Variants in IFIH1 observed in about 807,000 individuals in gnomAD.
IFIH1 encodes the protein interferon-induced helicase C domain-containing protein 1.
IFIH1 carries 125 observed loss-of-function variants against 107.4 expected under a neutral mutation model. The observed-to-expected ratio is 1.16, with a 90% CI of 1.01 to 1.35. The LOEUF (loss-of-function observed/expected upper bound fraction) is 1.35, where lower values mean the gene tolerates loss of function less well. IFIH1 is among the 40% of genes most tolerant of loss of function. The pLI, the probability that IFIH1 is intolerant of heterozygous loss-of-function variation, is 0.00. For synonymous variants in IFIH1, 458 were observed against 413.2 expected (o/e 1.11, Z -1.31); for missense variants, 1,333 against 1,213.7 (o/e 1.10, Z -1.46).
Position 162,282,493 on chromosome 2 carries a change from A to G in IFIH1, c.1179T>C (p.Asp393=). Residue 393 remains aspartate (D), a synonymous_variant, in exon 6 of 16, where the codon GAT becomes GAC. Transcript: ENST00000649979. ...KWYRVIGLSG[D]TQLKISFPEV... ...CTGGAAATGATATTTTCAGTTGGGT[A>G]TCACCACTTAATCCAATAACACGAT... 6.2e-7 allele frequency: 1 copy of G among 1,611,796 alleles called. No individual in the cohort carries two copies. The highest frequency in any genetic ancestry group is 2.2e-5 in the East Asian group (1 of 44,796).
chr2:162,284,412 G>A (rs1255147249), intron 5 of IFIH1, among the ~76,000 whole-genome samples: 1 of 151,952 alleles, frequency 6.6e-6, no homozygotes, highest in Non-Finnish European at 1.5e-5. Context: ...TTAATAAAAT[G>A]AGGATAATGT....
Position 162,268,068 on chromosome 2 carries a change from T to C in IFIH1, c.2807+19A>G. 1 of 1,546,208 alleles carries C rather than the reference T, an allele frequency of 6.5e-7. No individual in the cohort carries two copies. Among genetic ancestry groups the C allele is most frequent in the African/African-American group, 1.4e-5 (1 of 72,292 alleles). On this transcript the variant is annotated intron_variant, in intron 14 of 15. Coordinates refer to ENST00000649979, the MANE Select transcript of IFIH1 (RefSeq NM_022168.4). ...CACCCCTTGTGGAAAAATGTAAAAA[T>C]GGGTCTTTCTGGACTCACTTGAATT...
chr2:162,278,054 A>G, intron 9 of IFIH1, 151 bp downstream of exon 9: 3 of 653,676 alleles, frequency 4.6e-6, no homozygotes, highest in Non-Finnish European at 7.8e-6. Flanking sequence ...AGGAATTAGA[A>G]CATGTTTATT....
Position 162,318,352 on chromosome 2 carries a change from G to A in IFIH1, c.-45C>T. The A allele has an allele frequency of 6.7e-7, 1 of 1,498,744 alleles. No homozygotes were observed. The highest frequency in any genetic ancestry group is 9.2e-7 in the Non-Finnish European group (1 of 1,086,914). 92.8% of individuals were successfully genotyped at this position (1,498,744 alleles called of 1,614,324 possible). A position where few individuals can be genotyped will look rare whatever the true frequency, so the allele number is the denominator to read the frequency against. ...GAGAGGGTTCTCCCAAGCAGATGGT[G>A]CTGTTGTCTGCGGGACAGGTGAAAT... On this transcript the variant is annotated 5_prime_UTR_variant, in exon 1 of 16. Coordinates refer to ENST00000649979, the MANE Select transcript of IFIH1 (RefSeq NM_022168.4).
Position 162,272,268 on chromosome 2 carries a change from T to C in IFIH1, c.2574A>G (p.Ile858Met). Residue 858 changes from isoleucine to methionine, a missense_variant, in exon 13 of 16, where the codon ATA (isoleucine) becomes ATG (methionine). Transcript: ENST00000649979. ...DFREKMMYKA[I>M]HCVQNMKPEE... ...CTGGTTTCATATTTTGAACACAATG[T>C]ATAGCTTTATACATCATCTTCTCTC... is the stretch of plus-strand genomic sequence containing the variant. The C allele has an allele frequency of 6.2e-7, 1 of 1,612,716 alleles. No homozygotes were observed. The highest frequency in any genetic ancestry group is 8.5e-7 in the Non-Finnish European group (1 of 1,179,200).
chr2:162,306,462 G>A (rs2105226486), intron 3 of IFIH1, among the ~76,000 whole-genome samples: 1 of 152,218 alleles, frequency 6.6e-6, no homozygotes, highest in Admixed American at 6.5e-5. Flanking sequence ...AATGACTATG[G>A]ATTTCTTATA....
chr2:162,301,263 G>T (rs1683188905), intron 3 of IFIH1, among the ~76,000 whole-genome samples: 1 of 152,118 alleles, frequency 6.6e-6, no homozygotes, highest in Non-Finnish European at 1.5e-5. Context: ...ATATACACAT[G>T]CAATCACAGT....
At chr2:162,290,571 G>A (rs1187887027) in intron 4 of IFIH1, among the ~76,000 whole-genome samples, 1 of 151,784 alleles carries the variant, frequency 6.6e-6, no homozygotes, top group East Asian at 1.9e-4. Context: ...ATATTGACTG[G>A]ACACCTATTA....
chr2:162,293,578 A>G lies in IFIH1; in HGVS notation c.860T>C (p.Met287Thr). 6.2e-7 allele frequency: 1 copy of G among 1,608,942 alleles called. No homozygotes were observed. Among genetic ancestry groups the G allele is most frequent in the Non-Finnish European group, 8.5e-7 (1 of 1,176,072 alleles). ...TTAGGCAGTACCTGAATCACTTCCC[A>G]TGGTGCCTGAATCACTGCCCATGTT... ...NSNMGSDSGT[M>T]GSDSDEENVA... is the part of the protein sequence containing the mutation. The change falls in exon 4 of 16, where the codon ATG becomes ACG. Residue 287 changes from methionine to threonine, a missense_variant. By Grantham distance (81) the Met-to-Thr change is moderately conservative. Coordinates refer to ENST00000649979, the MANE Select transcript of IFIH1 (RefSeq NM_022168.4).
chr2:162,309,005 A>T (rs142630508), intron 2 of IFIH1, among the ~76,000 whole-genome samples: 49 of 152,304 alleles, frequency 3.2e-4, no homozygotes, highest in African/African-American at 1.0e-3. Flanking sequence ...CAGTTGAGCT[A>T]CATGTTTCTT....
chr2:162,284,649 G>A (rs1682867745), intron 5 of IFIH1, among the ~76,000 whole-genome samples: 2 of 151,956 alleles, frequency 1.3e-5, no homozygotes, highest in South Asian at 2.1e-4. Flanking sequence ...GTTTTCTGAT[G>A]GGAAAAAATG....
chr2:162,314,416 TTTTCTTTCTTTCTTTCTTTC>T (rs760939547), intron 1 of IFIH1, among the ~76,000 whole-genome samples: 8 of 51,444 alleles, frequency 1.6e-4, no homozygotes, highest in African/African-American at 3.6e-4. Context: ...TCTTTCTTTC[TTTTCTTTCTTTCTTTCTTTC>T]TTTCTTTCTT....
rs144538596 is a variant in IFIH1 at position 162,307,444 on chromosome 2, T to C, written c.623-589A>G. Among the ~76,000 whole-genome samples, 664 of 152,370 alleles carry C rather than the reference T, an allele frequency of 4.4e-3. 7 individuals carry two copies. Among genetic ancestry groups the C allele is most frequent in the African/African-American group, 0.015 (630 of 41,594 alleles). On this transcript the variant is annotated intron_variant, in intron 2 of 15. Transcript: ENST00000649979. The stretch of plus-strand genomic sequence containing the variant: ...CATCTGCTTTAATGTCAGCCTATAT[T>C]CATGTATTCTGAATTTCTGGGGATT...
rs778757161 is a variant in IFIH1, at chr2:162,277,193, A to C, written c.2044+222T>G. ...AATAATTAGGATGGTTTAATAAATA[A>C]ATTCATTACAATTGTCTTGACAATA... On this transcript the variant is annotated intron_variant, in intron 10 of 15. Transcript: ENST00000649979. Among the ~76,000 whole-genome samples, 16 of 152,186 alleles carry C rather than the reference A, an allele frequency of 1.1e-4. No homozygotes were observed. The highest frequency in any genetic ancestry group is 2.9e-5 in the Non-Finnish European group (2 of 68,032).
chr2:162,269,237 C>T (rs1690987315), intron 13 of IFIH1, among the ~76,000 whole-genome samples: 1 of 152,126 alleles, frequency 6.6e-6, no homozygotes, highest in Non-Finnish European at 1.5e-5. Context: ...TTCAGAAAAT[C>T]TTCTTAAAAA....
intron 5 of IFIH1, among the ~76,000 whole-genome samples, chr2:162,283,387 C>A (rs1414750201): frequency 6.6e-6 from 1 of 151,978 alleles, no homozygotes; most frequent in Non-Finnish European, 1.5e-5. Flanking sequence ...GTTATAACAT[C>A]TGCTGAAGGT....
At chr2:162,313,590 A>C (rs1683419750) in intron 1 of IFIH1, among the ~76,000 whole-genome samples, 1 of 152,242 alleles carries the variant, frequency 6.6e-6, no homozygotes, top group African/African-American at 2.4e-5. Flanking sequence ...ACACAATTGT[A>C]CAGTTTAATG....
rs775175963 is a variant in IFIH1 at position 162,276,977 on chromosome 2, A to C, written c.2045-31T>G. On this transcript the variant is annotated intron_variant, in intron 10 of 15. Coordinates refer to ENST00000649979, the MANE Select transcript of IFIH1 (RefSeq NM_022168.4). ...AGAAATAATTAGAGTTGATATGTTA[A>C]CAAGCTTGATTTAGCCACTCCACAA... The C allele has an allele frequency of 8.4e-6, 13 of 1,542,658 alleles. No homozygotes were observed. In the South Asian group the frequency reaches 1.6e-4, roughly 19 times the overall value.
chr2:162,271,028 G>A (rs1440632324), intron 13 of IFIH1, among the ~76,000 whole-genome samples: 1 of 152,104 alleles, frequency 6.6e-6, no homozygotes, highest in African/African-American at 2.4e-5. Context: ...TAAATGGATT[G>A]TTTGCTATTA....
Sources: gnomAD v4.1 joint callset for allele counts (sites outside exome capture counted in the v4.1 genomes callset) on GRCh38, gnomAD v4.1.1 for gene constraint, MANE v1.5 for transcripts, NCBI Gene and HGNC (gene_info 2026-07-23, HGNC 2026-07-21) for gene names.